The following WHRN variants were observed in gnomAD, a reference collection of about 807,000 sequenced individuals.
The protein encoded by WHRN is whirlin, also known as CASK-interacting protein CIP98.
In WHRN, 41 loss-of-function variants were observed where a neutral mutation model predicts 68.3. The ratio of observed to expected loss-of-function variants is 0.60; its 90% CI spans 0.47 to 0.78. The LOEUF is 0.78. Among genes scored for constraint, WHRN ranks in the 30% least tolerant of loss-of-function variants. WHRN has a pLI of 0.00. For missense variants in WHRN, 1,243 were observed against 1,244.7 expected (o/e 1.00, Z 0.02); for synonymous variants, 560 against 561.3 (o/e 1.00, Z 0.03).
In WHRN at chr9:114,478,746, A is replaced by G. The variant is rs1317969605; in HGVS notation, c.644T>C (p.Val215Ala). 6.2e-7 allele frequency: 1 copy of G among 1,612,432 alleles called. No homozygotes were observed. The highest frequency in any genetic ancestry group is 8.5e-7 in the Non-Finnish European group (1 of 1,179,956). Residue 215 changes from valine to alanine, a missense_variant, in exon 2 of 12, where the codon GTG becomes GCG. Physicochemically the swap from Val to Ala is moderately conservative, Grantham distance 64. Coordinates refer to ENST00000362057, the MANE Select transcript of WHRN (RefSeq NM_015404.4). ...VKALKGSKKL[V>A]LSVYSAGRIP... Reference sequence around the variant, plus strand: ...GCGCCCTGCTGAGTACACAGACAGCACCAGCTTCTTGGAGCCCTTCAGAGC... The same window carrying G: ...GCGCCCTGCTGAGTACACAGACAGCGCCAGCTTCTTGGAGCCCTTCAGAGC...
rs1358864941 is a variant in WHRN at position 114,426,380 on chromosome 9, T to C, written c.997A>G (p.Ser333Gly). 6.2e-7 allele frequency: 1 copy of C among 1,613,554 alleles called. No individual in the cohort carries two copies. The highest frequency in any genetic ancestry group is 8.5e-7 in the Non-Finnish European group (1 of 1,179,908). ...TCGTCGTGTAGGATGTTGAGAAAGC[T>C]CCGCCCATTCACTTCTAGAATCTGG... Reference protein sequence around the residue: ...GDQILEVNGRSFLNILHDEAV... With the variant: ...GDQILEVNGRGFLNILHDEAV... Residue 333 changes from serine to glycine, a missense_variant, in exon 4 of 12, where the codon AGC (serine) becomes GGC (glycine). Physicochemically the swap from Ser to Gly is moderately conservative, Grantham distance 56. Transcript: ENST00000362057.
chr9:114,468,612 G>A (rs977646014), intron 2 of WHRN, among the ~76,000 whole-genome samples: 7 of 152,202 alleles, frequency 4.6e-5, no homozygotes, highest in African/African-American at 1.7e-4. Context: ...TGTGGGATGG[G>A]CCCAGCTGCC....
chr9:114,414,089 C>T (rs1445962967), intron 7 of WHRN, among the ~76,000 whole-genome samples: 1 of 152,174 alleles, frequency 6.6e-6, no homozygotes, highest in Non-Finnish European at 1.5e-5. Flanking sequence ...ATCTTCATTT[C>T]CATTAACCTC....
intron 3 of WHRN, among the ~76,000 whole-genome samples, chr9:114,435,162 C>T (rs577509534): frequency 9.6e-4 from 146 of 152,308 alleles, no homozygotes; most frequent in African/African-American, 2.8e-3. Context: ...GCACTCACTC[C>T]CCACAGTTTG....
At chr9:114,494,100 C>T (rs992670548) in intron 1 of WHRN, among the ~76,000 whole-genome samples, 7 of 152,108 alleles carry the variant, frequency 4.6e-5, no homozygotes, top group East Asian at 1.9e-4. Context: ...AGTCCTCTCC[C>T]GGGGGGGTAT....
intron 7 of WHRN, among the ~76,000 whole-genome samples, chr9:114,413,498 A>G (rs1232422954): frequency 6.6e-6 from 1 of 152,108 alleles, no homozygotes; most frequent in Admixed American, 6.5e-5. Context: ...AGGGAGCCAG[A>G]GATTTGTGGG....
At chr9:114,430,121 G>A (rs1837281560) in intron 3 of WHRN, among the ~76,000 whole-genome samples, 1 of 152,152 alleles carries the variant, frequency 6.6e-6, no homozygotes, top group Admixed American at 6.5e-5. Flanking sequence ...TAAAGGAACG[G>A]GCATCCAAGA....
intron 5 of WHRN, 21 bp from the exon 6 acceptor site, chr9:114,424,567 A>C: frequency 1.3e-6 from 2 of 1,593,248 alleles, no homozygotes; most frequent in Non-Finnish European, 1.7e-6. Context: ...GAAAGATAGA[A>C]GCCCAGGAAT....
intron 3 of WHRN, among the ~76,000 whole-genome samples, chr9:114,436,136 AC>A (rs1837829201): frequency 6.6e-6 from 1 of 152,242 alleles, no homozygotes; most frequent in Non-Finnish European, 1.5e-5. Context: ...AAAAGGCTAC[AC>A]ACTGCATGGT....
At position 114,403,774 on chromosome 9, in the gene WHRN, G is replaced by GGGAGCTCACTACCTCCC. The variant is rs1224641385; in HGVS notation, c.2418+105_2418+121dup. 6 of 1,238,004 alleles carry GGGAGCTCACTACCTCCC rather than the reference G, an allele frequency of 4.8e-6. No individual in the cohort carries two copies. The Admixed American group carries it at 1.0e-4, about 21-fold the overall frequency. 76.7% of individuals were successfully genotyped at this position (1,238,004 alleles called of 1,614,324 possible). Reference sequence around the variant, plus strand: ...GGACGTCCAAATCCCTCCAGTTATAGGGAGCTCACTACCTCCCTTTGTGGT... The same window carrying GGGAGCTCACTACCTCCC: ...GGACGTCCAAATCCCTCCAGTTATAGGGAGCTCACTACCTCCCGGAGCTCACTACCTCCCTTTGTGGT... On this transcript the variant is annotated intron_variant, in intron 10 of 11. Transcript: ENST00000362057.
At chr9:114,444,565 C>T (rs867207954) in intron 3 of WHRN, among the ~76,000 whole-genome samples, 2 of 152,020 alleles carry the variant, frequency 1.3e-5, no homozygotes, top group African/African-American at 4.8e-5. Context: ...TCCGAAACCC[C>T]CTTCTCTTAA....
intron 1 of WHRN, chr9:114,503,285 A>T: frequency 1.2e-6 from 1 of 803,436 alleles, no homozygotes; most frequent in Non-Finnish European, 1.5e-6. Context: ...GAAGCAGAGC[A>T]TGTGTCCCTT....
In WHRN at chr9:114,504,689, T is replaced by C. The variant is rs781494777; in HGVS notation, c.113A>G (p.Asn38Ser). 10 of 1,592,080 alleles carry C rather than the reference T, an allele frequency of 6.3e-6. No individual in the cohort carries two copies. In the East Asian group the frequency reaches 9.0e-5, roughly 14 times the overall value. Residue 38 changes from asparagine (N) to serine (S), a missense_variant, in exon 1 of 12, where the codon AAC becomes AGC. Asn to Ser is a conservative substitution (Grantham distance 46). Coordinates refer to ENST00000362057, the MANE Select transcript of WHRN (RefSeq NM_015404.4). ...GGAGLRLLSA[N>S]VRQLHQALTA... ...CAGCGCTTGGTGCAGCTGGCGCACGTTGGCAGACAGTAACCGCAGCCCCGC... is the reference window on the plus strand; with the variant it reads ...CAGCGCTTGGTGCAGCTGGCGCACGCTGGCAGACAGTAACCGCAGCCCCGC...
chr9:114,496,204 C>T lies in WHRN; in HGVS notation c.618+7980G>A, dbSNP rs541760176. Among the ~76,000 whole-genome samples, 6 of 152,292 alleles carry T rather than the reference C, an allele frequency of 3.9e-5. No individual in the cohort carries two copies. The East Asian group carries it at 1.2e-3, about 29-fold the overall frequency. On this transcript the variant is annotated intron_variant, in intron 1 of 11. Transcript: ENST00000362057. ...TTGCTGGGAAACGAAGTTATGGATG[C>T]AGCTGATCCAGGGGACAATGCTGTC...
At chr9:114,459,456 T>G (rs1840071169) in intron 3 of WHRN, among the ~76,000 whole-genome samples, 2 of 69,122 alleles carry the variant, frequency 2.9e-5, no homozygotes, top group Admixed American at 3.6e-4. Context: ...GAGCGAGAGT[T>G]CATCTAAAAA....
intron 3 of WHRN, among the ~76,000 whole-genome samples, chr9:114,449,690 A>G (rs1043860789): frequency 6.6e-6 from 1 of 152,130 alleles, no homozygotes; most frequent in Non-Finnish European, 1.5e-5. Context: ...AGCCTGTGGC[A>G]GGTTCTTGGG....
At chr9:114,426,727 C>G (rs1374005337) in intron 3 of WHRN, among the ~76,000 whole-genome samples, 1 of 152,128 alleles carries the variant, frequency 6.6e-6, no homozygotes, top group Admixed American at 6.5e-5. Context: ...CATCTCAGGG[C>G]CAAGGTGGGC....
At position 114,478,920 on chromosome 9, in the gene WHRN, G is replaced by A. The variant is rs542559239; in HGVS notation, c.619-149C>T. The A allele has an allele frequency of 4.6e-5, 35 of 761,584 alleles. No individual in the cohort carries two copies. In the Admixed American group the frequency reaches 5.7e-4, roughly 12 times the overall value. The allele number at this position is 761,584 out of a possible 1,614,324, so 47.2% of individuals were successfully genotyped here. On this transcript the variant is annotated intron_variant, in intron 1 of 11. Transcript: ENST00000362057. Reference sequence around the variant, plus strand: ...AAGTCCCTTTCCTTCTCTAGCCCTCGATTTTGTCCTGTGAAAACAAGAACA... The same window carrying A: ...AAGTCCCTTTCCTTCTCTAGCCCTCAATTTTGTCCTGTGAAAACAAGAACA...
At chr9:114,485,365 C>T (rs985991893) in intron 1 of WHRN, among the ~76,000 whole-genome samples, 1 of 152,206 alleles carries the variant, frequency 6.6e-6, no homozygotes. Context: ...GAGCCAATTG[C>T]CTAAACTCTC....
Sources: gnomAD v4.1 joint callset for allele counts (sites outside exome capture counted in the v4.1 genomes callset) on GRCh38, gnomAD v4.1.1 for gene constraint, MANE v1.5 for transcripts, NCBI Gene and HGNC (gene_info 2026-07-23, HGNC 2026-07-21) for gene names.